Variants in MXI1 observed in about 807,000 individuals in gnomAD.
MXI1 encodes the protein MAX interactor 1, dimerization protein.
A neutral mutation model predicts 36.9 loss-of-function variants in MXI1; 18 were observed. That is an observed-to-expected ratio of 0.49 (90% CI 0.34 to 0.72). The LOEUF is 0.72. Ranked by LOEUF, MXI1 falls within the 30% of genes least tolerant of loss-of-function variation. MXI1 has a pLI of 0.01. For missense variants in MXI1, 304 were observed against 379.1 expected, an observed-to-expected ratio of 0.80 and a Z score of 1.64; for synonymous variants, 160 against 146.7, an observed-to-expected ratio of 1.09 and a Z score of -0.65.
At chr10:110,233,841 A>C (rs1254868477) in intron 2 of MXI1, among the ~76,000 whole-genome samples, 1 of 152,156 alleles carries the variant, frequency 6.6e-6, no homozygotes, top group Non-Finnish European at 1.5e-5. Flanking sequence ...TCTTAAGGTT[A>C]TATTCCTCTA....
At chr10:110,244,804 C>CT (rs199913141) in intron 2 of MXI1, 24 bp from the exon 3 acceptor site, 116,899 of 1,330,582 alleles carry the variant, frequency 0.088, 791 homozygotes, top group African/African-American at 0.17. Flanking sequence ...ATGGCTAATG[C>CT]TTTTTTTTTT....
intron 2 of MXI1, among the ~76,000 whole-genome samples, chr10:110,236,026 A>G (rs1029368961): frequency 1.5e-5 from 2 of 135,348 alleles, no homozygotes; most frequent in African/African-American, 5.6e-5. Context: ...TTTTTTCTCT[A>G]TTTTCTTCTA....
At chr10:110,229,382 G>A (rs1855178363) in intron 2 of MXI1, among the ~76,000 whole-genome samples, 1 of 152,174 alleles carries the variant, frequency 6.6e-6, no homozygotes, top group South Asian at 2.1e-4. Context: ...CTTCAGTCAG[G>A]TGGTTGGTTA....
At chr10:110,229,005 A>G (rs1014221620) in intron 2 of MXI1, among the ~76,000 whole-genome samples, 2 of 152,210 alleles carry the variant, frequency 1.3e-5, no homozygotes, top group African/African-American at 4.8e-5. Context: ...GGATTGCTTG[A>G]GCTTAGGAGT....
chr10:110,210,339 C>G (rs1854480761), intron 1 of MXI1: 1 of 961,896 alleles, frequency 1.0e-6, no homozygotes, highest in South Asian at 4.8e-5. Flanking sequence ...CCCTCGGCCC[C>G]GCAGCCCCCC....
intron 2 of MXI1, among the ~76,000 whole-genome samples, chr10:110,233,933 A>G (rs1046955060): frequency 2.6e-5 from 4 of 152,174 alleles, no homozygotes; most frequent in African/African-American, 7.2e-5. Flanking sequence ...GATGAAAGGC[A>G]TTTTTGTCAA....
chr10:110,210,453 C>A, intron 1 of MXI1: 1 of 278,392 alleles, frequency 3.6e-6, no homozygotes, highest in Non-Finnish European at 5.5e-6. Context: ...CCAGATTTCC[C>A]CGAGAGCTTG....
intron 2 of MXI1, among the ~76,000 whole-genome samples, chr10:110,229,391 T>C (rs35943341): frequency 0.03 from 4,544 of 152,256 alleles, 369 homozygotes; most frequent in East Asian, 0.28. Flanking sequence ...GGTGGTTGGT[T>C]AGTCATTTGG....
At chr10:110,247,980 T>C (rs1855934116) in intron 3 of MXI1, among the ~76,000 whole-genome samples, 1 of 152,022 alleles carries the variant, frequency 6.6e-6, no homozygotes, top group Non-Finnish European at 1.5e-5. Flanking sequence ...ATTAAGAAAA[T>C]GTGGCACATA....
intron 1 of MXI1, among the ~76,000 whole-genome samples, chr10:110,210,025 C>T (rs1252643722): frequency 7.5e-6 from 1 of 134,162 alleles, no homozygotes; most frequent in Non-Finnish European, 1.6e-5. Context: ...TCGGAGACCT[C>T]CCCCTGCCCC....
intron 3 of MXI1, among the ~76,000 whole-genome samples, chr10:110,266,918 A>T (rs1370467925): frequency 6.6e-6 from 1 of 152,220 alleles, no homozygotes; most frequent in East Asian, 1.9e-4. Flanking sequence ...AGGGGATTTT[A>T]TGCCATTACA....
At chr10:110,208,277 G>C in intron 1 of MXI1, 195 bp downstream of exon 1, 1 of 514,440 alleles carries the variant, frequency 1.9e-6, no homozygotes, top group Non-Finnish European at 3.2e-6. Flanking sequence ...AGACGGGCGA[G>C]GGGGAGAGGG....
rs1455931014 is a variant in MXI1 at position 110,208,018 on chromosome 10, G to C, written c.210G>C (p.Leu70=). The C allele has an allele frequency of 6.2e-7, 1 of 1,604,472 alleles. No homozygotes were observed. Among genetic ancestry groups the C allele is most frequent in the East Asian group, 2.3e-5 (1 of 43,732 alleles). Residue 70 remains leucine (L), a synonymous_variant, in exon 1 of 6, where the codon CTG becomes CTC. Transcript: ENST00000332674. ...NSMEKHINTF[L]QNVQILLEAA... ...TGGAGAAGCACATCAACACTTTTCTGCAGAACGTGCAGATTCTGCTCGAGG... is the reference window on the plus strand; with the variant it reads ...TGGAGAAGCACATCAACACTTTTCTCCAGAACGTGCAGATTCTGCTCGAGG...
chr10:110,279,906 C>T lies in MXI1; in HGVS notation c.553-8C>T, dbSNP rs1857174475. ...TACACAAATGTAAAAATCATTTCAT[C>T]ATTTCAGAAACTTGAAGAAGCTGAA... is the stretch of plus-strand genomic sequence containing the variant. On this transcript the variant is annotated splice_polypyrimidine_tract_variant and splice_region_variant and intron_variant, in intron 4 of 5. Coordinates refer to ENST00000332674, the MANE Select transcript of MXI1 (RefSeq NM_130439.3). 6.3e-7 allele frequency: 1 copy of T among 1,597,558 alleles called. No homozygotes were observed. The highest frequency in any genetic ancestry group is 1.4e-5 in the African/African-American group (1 of 73,676).
chr10:110,249,898 G>A (rs1368028079), intron 3 of MXI1, among the ~76,000 whole-genome samples: 3 of 152,114 alleles, frequency 2.0e-5, no homozygotes, highest in Non-Finnish European at 4.4e-5. Context: ...CTGGTGAATG[G>A]CTAAGTAATT....
intron 5 of MXI1, among the ~76,000 whole-genome samples, chr10:110,282,324 C>T (rs1026382101): frequency 9.9e-5 from 15 of 152,122 alleles, no homozygotes; most frequent in Admixed American, 2.0e-4. Flanking sequence ...TCCTTTTTAA[C>T]GCAACCTTTT....
At chr10:110,255,583 A>C (rs1856258690) in intron 3 of MXI1, among the ~76,000 whole-genome samples, 1 of 152,224 alleles carries the variant, frequency 6.6e-6, no homozygotes, top group East Asian at 1.9e-4. Context: ...AAAGAATAAA[A>C]TACCTAGGAA....
intron 3 of MXI1, among the ~76,000 whole-genome samples, chr10:110,259,078 A>C (rs1260622829): frequency 6.6e-6 from 1 of 152,142 alleles, no homozygotes; most frequent in East Asian, 1.9e-4. Context: ...AGCTTCTAAA[A>C]TTTTGTATAG....
chr10:110,269,098 G>A (rs943293633), intron 3 of MXI1, among the ~76,000 whole-genome samples: 7 of 152,118 alleles, frequency 4.6e-5, no homozygotes, highest in Non-Finnish European at 1.0e-4. Context: ...ATAATTCCTG[G>A]CTGGCTTGAC....
Sources: gnomAD v4.1 joint callset for allele counts (sites outside exome capture counted in the v4.1 genomes callset) on GRCh38, gnomAD v4.1.1 for gene constraint, MANE v1.5 for transcripts, NCBI Gene and HGNC (gene_info 2026-07-23, HGNC 2026-07-21) for gene names.